The following TENT4B variants were observed in gnomAD, a reference collection of about 807,000 sequenced individuals.
TENT4B encodes the protein terminal nucleotidyltransferase 4B, also known as PAP associated domain containing 5.
Under a neutral mutation model 75.0 loss-of-function variants are expected in TENT4B, and 10 were observed. The observed-to-expected ratio is 0.13, with a 90% confidence interval of 0.08 to 0.23. The LOEUF is 0.23. Ranked by LOEUF, TENT4B falls within the 10% of genes least tolerant of loss-of-function variation. TENT4B has a pLI of 1.00. For missense variants in TENT4B, 579 were observed against 893.8 expected, an observed-to-expected ratio of 0.65 and a Z score of 4.49; for synonymous variants, 350 against 357.7, an observed-to-expected ratio of 0.98 and a Z score of 0.24.
At position 50,229,517 on chromosome 16, in the gene TENT4B, A is replaced by C; in HGVS notation, c.*189A>C. 9.2e-7 allele frequency: 1 copy of C among 1,082,068 alleles called. No individual in the cohort carries two copies. 67.0% of individuals were successfully genotyped at this position (1,082,068 alleles called of 1,614,324 possible). ...AACTGCAAAAAAAACAAAACAAAAC[A>C]AAAAAAAAAGCAAGCAAAAAAGAGG... On this transcript the variant is annotated 3_prime_UTR_variant, in exon 12 of 12. Coordinates refer to ENST00000561678, the MANE Select transcript of TENT4B (RefSeq NM_001365324.3).
At chr16:50,205,563 T>C (rs1261811098) in intron 1 of TENT4B, among the ~76,000 whole-genome samples, 1 of 5,030 alleles carries the variant, frequency 2.0e-4, no homozygotes, top group Non-Finnish European at 7.2e-4. Flanking sequence ...CATGTCTTTT[T>C]TTTTTTTTTT....
At chr16:50,227,112 A>G (rs189722408) in intron 10 of TENT4B, among the ~76,000 whole-genome samples, 1 of 152,336 alleles carries the variant, frequency 6.6e-6, no homozygotes, top group Admixed American at 6.5e-5. Context: ...TAATCTAAAT[A>G]TTGTATGTTG....
At chr16:50,221,014 CTA>C (rs1352953322) in intron 5 of TENT4B, among the ~76,000 whole-genome samples, 1 of 152,030 alleles carries the variant, frequency 6.6e-6, no homozygotes, top group African/African-American at 2.4e-5. Flanking sequence ...CGGCCAGGTG[CTA>C]TGTTTCACAC....
rs2038128812 is a variant in TENT4B, at chr16:50,167,711, G to T, written c.638+13452G>T. On this transcript the variant is annotated intron_variant, in intron 1 of 11. Transcript: ENST00000561678. ...CTTGCTCTGTCGCCCAGGCTGGAGT[G>T]CAGTGGTGTGATCTTGGCTTACTGC... Among the ~76,000 whole-genome samples, 15 of 151,098 alleles carry T rather than the reference G, an allele frequency of 9.9e-5. No homozygotes were observed. In the Admixed American group the frequency reaches 9.9e-4, roughly 10 times the overall value.
chr16:50,167,392 T>C (rs2038121366), intron 1 of TENT4B, among the ~76,000 whole-genome samples: 1 of 151,592 alleles, frequency 6.6e-6, no homozygotes, highest in African/African-American at 2.4e-5. Flanking sequence ...TGGGTTTTTT[T>C]TTTTTACTTT....
chr16:50,173,635 G>A (rs2038247752), intron 1 of TENT4B, among the ~76,000 whole-genome samples: 1 of 152,118 alleles, frequency 6.6e-6, no homozygotes, highest in African/African-American at 2.4e-5. Flanking sequence ...GTCTTACTTT[G>A]CAGTTCTCTA....
At chr16:50,196,488 T>TCATC (rs2030256459) in intron 1 of TENT4B, among the ~76,000 whole-genome samples, 5 of 149,742 alleles carry the variant, frequency 3.3e-5, no homozygotes, top group African/African-American at 9.8e-5. Context: ...AGTTTATCAT[T>TCATC]ATCATCATCA....
At chr16:50,222,460 A>G in intron 6 of TENT4B, 26 bp downstream of exon 6, 1 of 1,602,448 alleles carries the variant, frequency 6.2e-7, no homozygotes, top group Non-Finnish European at 8.5e-7. Context: ...ATAGCATGCT[A>G]GTGCACACTA....
At position 50,233,285 on chromosome 16, in the gene TENT4B, C is replaced by G. The variant is rs575997696; in HGVS notation, c.*3957C>G. On this transcript the variant is annotated 3_prime_UTR_variant, in exon 12 of 12. Coordinates refer to ENST00000561678, the MANE Select transcript of TENT4B (RefSeq NM_001365324.3). Reference sequence around the variant, plus strand: ...TCATCTTGCCTTGGTTTCTGACCCTCAAGACTCTAGCTACCTGCCATCTTG... The same window carrying G: ...TCATCTTGCCTTGGTTTCTGACCCTGAAGACTCTAGCTACCTGCCATCTTG... The G allele has an allele frequency of 2.0e-6, 2 of 985,362 alleles. No individual in the cohort carries two copies. Among genetic ancestry groups the G allele is most frequent in the South Asian group, 4.7e-5 (1 of 21,282 alleles). 61.0% of individuals were successfully genotyped at this position (985,362 alleles called of 1,614,324 possible). A position where few individuals can be genotyped will look rare whatever the true frequency, so the allele number is the denominator to read the frequency against.
intron 1 of TENT4B, among the ~76,000 whole-genome samples, chr16:50,201,198 G>T (rs369882275): frequency 3.3e-5 from 5 of 152,272 alleles, no homozygotes; most frequent in African/African-American, 9.6e-5. Context: ...ATATGTAAAT[G>T]GATTCTTTGT....
rs182785431 is a variant in TENT4B at position 50,217,423 on chromosome 16, C to T, written c.931-133C>T. The T allele has an allele frequency of 8.9e-6, 5 of 562,012 alleles. No homozygotes were observed. The African/African-American group carries it at 9.8e-5, about 11-fold the overall frequency. 34.8% of individuals were successfully genotyped at this position (562,012 alleles called of 1,614,324 possible). A position where few individuals can be genotyped will look rare whatever the true frequency, so the allele number is the denominator to read the frequency against. On this transcript the variant is annotated intron_variant, in intron 4 of 11. Coordinates refer to ENST00000561678, the MANE Select transcript of TENT4B (RefSeq NM_001365324.3). ...GCAGACCAGGTTTACTGGGGTGTGC[C>T]ATATTTAGAATACTCAGTGTTCTTA...
At chr16:50,226,379 G>C (rs181687854) in intron 10 of TENT4B, among the ~76,000 whole-genome samples, 2 of 152,158 alleles carry the variant, frequency 1.3e-5, no homozygotes, top group African/African-American at 4.8e-5. Flanking sequence ...CTTGTGTAAG[G>C]CTTCTTTCAC....
chr16:50,167,526 T>C (rs533338165), intron 1 of TENT4B, among the ~76,000 whole-genome samples: 1 of 152,300 alleles, frequency 6.6e-6, no homozygotes, highest in East Asian at 1.9e-4. Flanking sequence ...GTCTATTTTT[T>C]TTTCTTTGGT....
intron 1 of TENT4B, among the ~76,000 whole-genome samples, chr16:50,166,324 A>G (rs900049752): frequency 6.6e-6 from 1 of 152,080 alleles, no homozygotes; most frequent in African/African-American, 2.4e-5. Flanking sequence ...ATTTCAAGTG[A>G]TCCACCTGCC....
chr16:50,155,726 T>C (rs2037885505), intron 1 of TENT4B, among the ~76,000 whole-genome samples: 1 of 152,200 alleles, frequency 6.6e-6, no homozygotes. Context: ...CACGTTTTAT[T>C]AAAGGCTTGT....
intron 10 of TENT4B, 32 bp from the exon 11 acceptor site, chr16:50,227,807 T>C: frequency 6.2e-7 from 1 of 1,601,676 alleles, no homozygotes; most frequent in Non-Finnish European, 8.6e-7. Context: ...ATTACTAATA[T>C]GTCACATTAT....
chr16:50,190,203 A>G lies in TENT4B; in HGVS notation c.639-21120A>G, dbSNP rs539220231. Among the ~76,000 whole-genome samples the G allele has an allele frequency of 2.0e-5, 3 of 152,096 alleles. No homozygotes were observed. The East Asian group carries it at 5.8e-4, about 29-fold the overall frequency. On this transcript the variant is annotated intron_variant, in intron 1 of 11. Coordinates refer to ENST00000561678, the MANE Select transcript of TENT4B (RefSeq NM_001365324.3). ...TATTGATATTATACCATAGTATAATACTTAGTTCTTCAGCGATGTATCTCT... is the reference window on the plus strand; with the variant it reads ...TATTGATATTATACCATAGTATAATGCTTAGTTCTTCAGCGATGTATCTCT...
chr16:50,163,955 C>T (rs1321953962), intron 1 of TENT4B, among the ~76,000 whole-genome samples: 1 of 151,402 alleles, frequency 6.6e-6, no homozygotes, highest in South Asian at 2.1e-4. Context: ...GTCGGGAGTT[C>T]GAGACCAGCC....
Position 50,229,135 on chromosome 16 carries a change from GT to G in TENT4B, c.1966-13del. The G allele has an allele frequency of 6.2e-7, 1 of 1,610,470 alleles. No homozygotes were observed. The highest frequency in any genetic ancestry group is 8.5e-7 in the Non-Finnish European group (1 of 1,178,864). On this transcript the variant is annotated splice_polypyrimidine_tract_variant and intron_variant, in intron 11 of 11. Transcript: ENST00000561678. ...CTGCAATACTGATGTCTTTGTGGTC[GT>G]TTTCTGTTTCTGCAGCATGGATCAG... is the stretch of plus-strand genomic sequence containing the variant.
Sources: gnomAD v4.1 joint callset for allele counts (sites outside exome capture counted in the v4.1 genomes callset) on GRCh38, gnomAD v4.1.1 for gene constraint, MANE v1.5 for transcripts, NCBI Gene and HGNC (gene_info 2026-07-23, HGNC 2026-07-21) for gene names.